SVEP1: variants seen among roughly 807,000 people sequenced by gnomAD.
The protein encoded by SVEP1 is sushi, von Willebrand factor type A, EGF and pentraxin domain-containing protein 1.
In SVEP1, 164 loss-of-function variants were observed where a neutral mutation model predicts 367.3. The ratio of observed to expected loss-of-function variants is 0.45; its 90% CI spans 0.39 to 0.51. The LOEUF is 0.51. SVEP1 is among the 20% of genes least tolerant of loss of function. SVEP1 has a pLI of 0.00. For missense variants in SVEP1, 4,117 were observed against 4,425.3 expected (o/e 0.93, Z 1.98); for synonymous variants, 1,666 against 1,611.6 (o/e 1.03, Z -0.81).
intron 36 of SVEP1, 131 bp from the exon 37 acceptor site, chr9:110,411,866 G>T: frequency 1.2e-6 from 1 of 855,586 alleles, no homozygotes; most frequent in Non-Finnish European, 1.7e-6. Context: ...TTTCCTCTTT[G>T]AATACTGAGC....
intron 21 of SVEP1, among the ~76,000 whole-genome samples, chr9:110,457,029 G>A (rs2118630303): frequency 6.6e-6 from 1 of 152,256 alleles, no homozygotes; most frequent in East Asian, 1.9e-4. Context: ...AAGACTCATA[G>A]GGAAGATGAG....
chr9:110,444,417 A>G (rs1255427161), intron 26 of SVEP1, among the ~76,000 whole-genome samples: 1 of 152,170 alleles, frequency 6.6e-6, no homozygotes, highest in East Asian at 1.9e-4. Flanking sequence ...CAGAACTGTG[A>G]GAAATATATT....
At chr9:110,409,719 T>C (rs905578221) in intron 37 of SVEP1, among the ~76,000 whole-genome samples, 2 of 152,226 alleles carry the variant, frequency 1.3e-5, no homozygotes, top group Non-Finnish European at 2.9e-5. Flanking sequence ...ACTATCAAAA[T>C]TTTGTTTATA....
intron 44 of SVEP1, 117 bp downstream of exon 44, chr9:110,379,230 A>C: frequency 8.4e-7 from 1 of 1,183,630 alleles, no homozygotes; most frequent in Non-Finnish European, 1.2e-6. Flanking sequence ...TGCTAAAAGA[A>C]ATTTTAAAGC....
intron 24 of SVEP1, among the ~76,000 whole-genome samples, chr9:110,447,925 C>T (rs1828628462): frequency 6.6e-6 from 1 of 151,576 alleles, no homozygotes; most frequent in African/African-American, 2.4e-5. Context: ...CAAATGTAAC[C>T]TCCTTGATAA....
At chr9:110,528,786 T>G (rs1279522752) in intron 3 of SVEP1, among the ~76,000 whole-genome samples, 1 of 151,812 alleles carries the variant, frequency 6.6e-6, no homozygotes, top group Admixed American at 6.6e-5. Context: ...ATTATTATTA[T>G]GGCTATGCAG....
chr9:110,454,057 T>G (rs1269262629), intron 22 of SVEP1, among the ~76,000 whole-genome samples: 2 of 152,108 alleles, frequency 1.3e-5, no homozygotes, highest in Non-Finnish European at 2.9e-5. Context: ...AATGAGGTTA[T>G]TTGTATTTTG....
chr9:110,539,154 T>C (rs1371145864), intron 3 of SVEP1, among the ~76,000 whole-genome samples: 1 of 152,032 alleles, frequency 6.6e-6, no homozygotes, highest in African/African-American at 2.4e-5. Context: ...CTATAGGCTC[T>C]GAAGACAAGC....
At chr9:110,425,632 A>AT (rs1173670848) in intron 36 of SVEP1, among the ~76,000 whole-genome samples, 3 of 152,218 alleles carry the variant, frequency 2.0e-5, no homozygotes, top group Non-Finnish European at 4.4e-5. Flanking sequence ...AAATGAATAG[A>AT]TTTTTTAATC....
intron 24 of SVEP1, among the ~76,000 whole-genome samples, chr9:110,448,419 G>A (rs546681555): frequency 1.3e-5 from 2 of 152,340 alleles, no homozygotes; most frequent in Admixed American, 6.5e-5. Flanking sequence ...AGACCTCTTT[G>A]ATATTGACCT....
At chr9:110,412,058 T>C (rs1828052663) in intron 36 of SVEP1, among the ~76,000 whole-genome samples, 1 of 152,180 alleles carries the variant, frequency 6.6e-6, no homozygotes, top group Non-Finnish European at 1.5e-5. Flanking sequence ...GATATTAATA[T>C]TTGCTCAGAA....
rs139865768 is a variant in SVEP1 at position 110,448,298 on chromosome 9, G to A, written c.4104-1241C>T. Among the ~76,000 whole-genome samples the A allele has an allele frequency of 1.3e-3, 192 of 152,330 alleles. 2 individuals are homozygous for A. Among genetic ancestry groups the A allele is most frequent in the Middle Eastern group, 6.8e-3 (2 of 294 alleles). The stretch of plus-strand genomic sequence containing the variant: ...TAAGGTTTGATAATCACAGTGATCA[G>A]TACATGACTTTTATTATTGTAATTT... On this transcript the variant is annotated intron_variant, in intron 24 of 47. Coordinates refer to ENST00000374469, the MANE Select transcript of SVEP1 (RefSeq NM_153366.4).
chr9:110,452,772 C>T (rs191654351), intron 22 of SVEP1, among the ~76,000 whole-genome samples: 1 of 152,310 alleles, frequency 6.6e-6, no homozygotes, highest in East Asian at 1.9e-4. Context: ...AACAGCATGC[C>T]TGTCCACTAT....
chr9:110,371,372 G>A (rs575318307), intron 46 of SVEP1, among the ~76,000 whole-genome samples: 5 of 152,090 alleles, frequency 3.3e-5, no homozygotes, highest in South Asian at 2.1e-4. Context: ...TCCCTATCAC[G>A]TCGGTGGTCC....
intron 1 of SVEP1, among the ~76,000 whole-genome samples, chr9:110,553,320 G>A (rs184688662): frequency 6.6e-6 from 1 of 152,318 alleles, no homozygotes; most frequent in Non-Finnish European, 1.5e-5. Context: ...TTGCTTAGAT[G>A]TGCCTACGTG....
At chr9:110,412,888 A>G (rs576946613) in intron 36 of SVEP1, among the ~76,000 whole-genome samples, 3,733 of 151,988 alleles carry the variant, frequency 0.025, 139 homozygotes, top group African/African-American at 0.085. Context: ...AAGTCAGGAA[A>G]CAACAGGTGC....
In SVEP1 at chr9:110,476,267, C is replaced by G; in HGVS notation, c.2536G>C (p.Glu846Gln). 2 of 1,613,606 alleles carry G rather than the reference C, an allele frequency of 1.2e-6. No individual in the cohort carries two copies. The highest frequency in any genetic ancestry group is 1.7e-6 in the Non-Finnish European group (2 of 1,179,692). Residue 846 changes from glutamate (E) to glutamine (Q), a missense_variant, in exon 14 of 48, where the codon GAG (glutamate) becomes CAG (glutamine). Transcript: ENST00000374469. ...DAEDIDCRLE[E>Q]NLTKKYCLEY... is the part of the protein sequence containing the mutation. ...AGGCAATATTTTTTGGTCAGGTTCT[C>G]CTCCAGTCTGCAGTCAATGTCCTCT...
chr9:110,562,208 A>G (rs1830440500), intron 1 of SVEP1, among the ~76,000 whole-genome samples: 1 of 151,148 alleles, frequency 6.6e-6, no homozygotes, highest in Non-Finnish European at 1.5e-5. Context: ...AAAAGCACAT[A>G]GGGAATAAAG....
In SVEP1 at chr9:110,408,583, G is replaced by A; in HGVS notation, c.7017C>T (p.Thr2339=). 1 of 1,613,902 alleles carries A rather than the reference G, an allele frequency of 6.2e-7. No homozygotes were observed. The highest frequency in any genetic ancestry group is 8.5e-7 in the Non-Finnish European group (1 of 1,179,880). The change falls in exon 38 of 48, where the codon ACC becomes ACT. Residue 2339 remains threonine (T), a synonymous_variant. Transcript: ENST00000374469. ...AAAATGTCACAACTCCTACCTCGGT[G>A]GTCAACTCCTTTAATACTAGCTGGT... ...LENQLVLKEL[T]TEVGVVTFSC...
Sources: gnomAD v4.1 joint callset for allele counts (sites outside exome capture counted in the v4.1 genomes callset) on GRCh38, gnomAD v4.1.1 for gene constraint, MANE v1.5 for transcripts, NCBI Gene and HGNC (gene_info 2026-07-23, HGNC 2026-07-21) for gene names.